The following KCNMB2 variants were observed in gnomAD, a reference collection of about 807,000 sequenced individuals.
The protein encoded by KCNMB2 is calcium-activated potassium channel subunit beta-2.
KCNMB2 carries 9 observed loss-of-function variants against 24.5 expected under a neutral mutation model. That is an observed-to-expected ratio of 0.37 (90% CI 0.22 to 0.64). The LOEUF is 0.64. Among genes scored for constraint, KCNMB2 ranks in the 30% least tolerant of loss-of-function variants. The probability of loss-of-function intolerance (pLI) is 0.63; values close to 1 mark genes in which losing one functional copy is unlikely to be tolerated. For missense variants in KCNMB2, 226 were observed against 284.3 expected, an observed-to-expected ratio of 0.79 and a Z score of 1.47; for synonymous variants, 109 against 104.4, an observed-to-expected ratio of 1.04 and a Z score of -0.27.
chr3:178,734,555 T>G (rs1188205196), intron 1 of KCNMB2, among the ~76,000 whole-genome samples: 1 of 152,190 alleles, frequency 6.6e-6, no homozygotes, highest in African/African-American at 2.4e-5. Context: ...TGCTTGAATG[T>G]TGGCATGCAC....
At chr3:178,642,888 A>G (rs1719777885) in intron 1 of KCNMB2, among the ~76,000 whole-genome samples, 1 of 152,220 alleles carries the variant, frequency 6.6e-6, no homozygotes, top group Admixed American at 6.5e-5. Context: ...CAGAAGGTCA[A>G]AACAATTACC....
intron 2 of KCNMB2, among the ~76,000 whole-genome samples, chr3:178,821,792 C>T (rs1232906864): frequency 6.6e-6 from 1 of 152,116 alleles, no homozygotes; most frequent in African/African-American, 2.4e-5. Flanking sequence ...TTCTTACTTC[C>T]TCATCATCCC....
chr3:178,644,295 T>A (rs1270026751), intron 1 of KCNMB2, among the ~76,000 whole-genome samples: 2 of 152,198 alleles, frequency 1.3e-5, no homozygotes, highest in Non-Finnish European at 1.5e-5. Flanking sequence ...AGAGAGCACA[T>A]TTAGCCAAGG....
At chr3:178,743,036 G>A (rs1045523476) in intron 1 of KCNMB2, among the ~76,000 whole-genome samples, 1 of 152,102 alleles carries the variant, frequency 6.6e-6, no homozygotes, top group Non-Finnish European at 1.5e-5. Context: ...AGGCCTGTGG[G>A]CAAAATGAGT....
At chr3:178,564,588 T>C (rs1197112464) in intron 1 of KCNMB2, among the ~76,000 whole-genome samples, 2 of 152,168 alleles carry the variant, frequency 1.3e-5, no homozygotes, top group African/African-American at 4.8e-5. Context: ...TGCTAGGTGA[T>C]TTACATGCAT....
chr3:178,795,110 C>A (rs896939401), intron 1 of KCNMB2: 2 of 151,840 alleles, frequency 1.3e-5, no homozygotes, highest in Non-Finnish European at 1.5e-5. Flanking sequence ...AAGATAATGG[C>A]ATTATGGTTT....
At chr3:178,621,711 G>T (rs987506953) in intron 1 of KCNMB2, among the ~76,000 whole-genome samples, 3 of 151,916 alleles carry the variant, frequency 2.0e-5, no homozygotes, top group Non-Finnish European at 4.4e-5. Flanking sequence ...TCTTTACAAG[G>T]ATTATCTCCT....
chr3:178,706,502 C>T (rs1487567132), intron 1 of KCNMB2, among the ~76,000 whole-genome samples: 1 of 152,088 alleles, frequency 6.6e-6, no homozygotes, highest in Non-Finnish European at 1.5e-5. Flanking sequence ...TGACATTTGA[C>T]TAGACACAAT....
At chr3:178,607,726 G>A (rs1006376329) in intron 1 of KCNMB2, among the ~76,000 whole-genome samples, 1 of 152,010 alleles carries the variant, frequency 6.6e-6, no homozygotes, top group Non-Finnish European at 1.5e-5. Context: ...TAAAGACAAA[G>A]CTTTAAGAAA....
chr3:178,727,841 T>C (rs1723013029), intron 1 of KCNMB2, among the ~76,000 whole-genome samples: 2 of 152,208 alleles, frequency 1.3e-5, no homozygotes, highest in African/African-American at 2.4e-5. Context: ...ACTAAGTTTG[T>C]GGTAATTTGT....
intron 1 of KCNMB2, among the ~76,000 whole-genome samples, chr3:178,691,293 G>GT (rs35823042): frequency 0.034 from 4,737 of 139,844 alleles, 180 homozygotes; most frequent in East Asian, 0.18. Context: ...ACATGTGCAG[G>GT]TTTTTTTTTT....
chr3:178,586,534 C>CTTTTTTTTTTT (rs1717436976), intron 1 of KCNMB2, among the ~76,000 whole-genome samples: 5 of 68,506 alleles, frequency 7.3e-5, no homozygotes, highest in Admixed American at 3.3e-4. Flanking sequence ...TTTTTTTTTT[C>CTTTTTTTTTTT]TTTCTTTTTT....
At chr3:178,542,557 T>C (rs1295470248) in intron 1 of KCNMB2, among the ~76,000 whole-genome samples, 1 of 152,198 alleles carries the variant, frequency 6.6e-6, no homozygotes, top group Non-Finnish European at 1.5e-5. Context: ...TACTCTCTAT[T>C]CAGCTGTAAA....
At chr3:178,625,911 T>C (rs1199345871) in intron 1 of KCNMB2, among the ~76,000 whole-genome samples, 1 of 152,222 alleles carries the variant, frequency 6.6e-6, no homozygotes, top group Non-Finnish European at 1.5e-5. Context: ...AGAGTAAGAC[T>C]TGATCTTGCC....
chr3:178,750,405 A>G (rs1723804737), intron 1 of KCNMB2, among the ~76,000 whole-genome samples: 1 of 152,138 alleles, frequency 6.6e-6, no homozygotes, highest in South Asian at 2.1e-4. Flanking sequence ...AAACAAAAAC[A>G]AAACAAAAAA....
intron 1 of KCNMB2, among the ~76,000 whole-genome samples, chr3:178,758,767 GGATATATATATATAT>G (rs1367049903): frequency 0.032 from 4 of 124 alleles, no homozygotes; most frequent in African/African-American, 0.2. Context: ...TCTCCAAGAG[GGATATATATATATAT>G]ATATATATAT....
At chr3:178,675,923 T>TA (rs1184626484) in intron 1 of KCNMB2, among the ~76,000 whole-genome samples, 1 of 152,000 alleles carries the variant, frequency 6.6e-6, no homozygotes, top group Non-Finnish European at 1.5e-5. Context: ...TTGGGTCTGT[T>TA]AGATACTTTA....
At chr3:178,756,535 T>C (rs9815231) in intron 1 of KCNMB2, among the ~76,000 whole-genome samples, 1,661 of 152,246 alleles carry the variant, frequency 0.011, 32 homozygotes, top group African/African-American at 0.039. Flanking sequence ...AACACACTAG[T>C]CAAGAAGAGT....
chr3:178,628,547 G>A (rs1170612808), intron 1 of KCNMB2, among the ~76,000 whole-genome samples: 2 of 152,166 alleles, frequency 1.3e-5, no homozygotes, highest in Admixed American at 1.3e-4. Flanking sequence ...AGGAATTGCA[G>A]TCTAAAACTA....
Sources: gnomAD v4.1 joint callset for allele counts (sites outside exome capture counted in the v4.1 genomes callset) on GRCh38, gnomAD v4.1.1 for gene constraint, MANE v1.5 for transcripts, NCBI Gene and HGNC (gene_info 2026-07-23, HGNC 2026-07-21) for gene names.